TANC2: variants seen among roughly 807,000 people sequenced by gnomAD.
The protein encoded by TANC2 is protein TANC2.
In TANC2, 26 loss-of-function variants were observed where a neutral mutation model predicts 210.5. The observed-to-expected ratio is 0.12, with a 90% CI of 0.09 to 0.17. TANC2 has a LOEUF of 0.17. Among genes scored for constraint, TANC2 ranks in the 10% least tolerant of loss-of-function variants. The pLI is 1.00. For missense variants in TANC2, 2,129 were observed against 2,608.9 expected (o/e 0.82, Z 4.01); for synonymous variants, 931 against 967.1 (o/e 0.96, Z 0.69).
At chr17:63,144,327 C>T (rs1188654680) in intron 4 of TANC2, among the ~76,000 whole-genome samples, 1 of 152,082 alleles carries the variant, frequency 6.6e-6, no homozygotes, top group Non-Finnish European at 1.5e-5. Flanking sequence ...TAGTAGATAA[C>T]TAGTGGCCAC....
chr17:63,175,247 A>G (rs2040535815), intron 5 of TANC2, among the ~76,000 whole-genome samples: 1 of 152,202 alleles, frequency 6.6e-6, no homozygotes, highest in South Asian at 2.1e-4. Flanking sequence ...GGAGAAATGG[A>G]CATTGACCCT....
At chr17:63,053,104 A>G (rs2035640734) in intron 2 of TANC2, among the ~76,000 whole-genome samples, 1 of 152,182 alleles carries the variant, frequency 6.6e-6, no homozygotes, top group African/African-American at 2.4e-5. Context: ...AGTGTCAACA[A>G]CATCCTTGTT....
intron 14 of TANC2, among the ~76,000 whole-genome samples, chr17:63,368,729 T>TCC (rs2047179641): frequency 6.6e-6 from 1 of 152,166 alleles, no homozygotes; most frequent in Non-Finnish European, 1.5e-5. Context: ...GAAGTCCAAT[T>TCC]CCCATAAGTT....
At chr17:63,063,032 A>G (rs1272667441) in intron 2 of TANC2, among the ~76,000 whole-genome samples, 1 of 152,214 alleles carries the variant, frequency 6.6e-6, no homozygotes, top group Non-Finnish European at 1.5e-5. Context: ...GACAAGGAAA[A>G]AAATTGGAGG....
chr17:63,177,690 G>A (rs907043526), intron 5 of TANC2, among the ~76,000 whole-genome samples: 1 of 152,138 alleles, frequency 6.6e-6, no homozygotes, highest in Non-Finnish European at 1.5e-5. Context: ...GATGGCTCTA[G>A]CATTCAAGTT....
chr17:63,323,533 A>C (rs755166014), intron 11 of TANC2, among the ~76,000 whole-genome samples: 162 of 152,328 alleles, frequency 1.1e-3, no homozygotes, highest in Non-Finnish European at 1.7e-3. Context: ...TTTAACTCCA[A>C]CAGAGATTTC....
chr17:63,386,338 A>G lies in TANC2; in HGVS notation c.2692-2297A>G, dbSNP rs535333898. Among the ~76,000 whole-genome samples the G allele has an allele frequency of 2.0e-5, 3 of 152,334 alleles. No homozygotes were observed. In the East Asian group the frequency reaches 5.8e-4, roughly 29 times the overall value. ...GAACACTGTTGGGATATTTCATATT[A>G]TAGAATCCTTCTTAGTTTTAGGTAT... is the stretch of plus-strand genomic sequence containing the variant. On this transcript the variant is annotated intron_variant, in intron 15 of 27. Coordinates refer to ENST00000689528, the Ensembl canonical transcript of TANC2.
At chr17:63,263,040 T>C (rs2043416386) in intron 8 of TANC2, among the ~76,000 whole-genome samples, 1 of 152,230 alleles carries the variant, frequency 6.6e-6, no homozygotes. Context: ...ATAGAAATTA[T>C]ATCTACAATT....
chr17:63,421,330 C>G lies in TANC2; in HGVS notation c.5600C>G (p.Ser1867Cys). The change falls in exon 28 of 28, where the codon TCT becomes TGT. Residue 1867 changes from serine (S) to cysteine (C), a missense_variant. Transcript: ENST00000689528. This position sits in a 1 kb window ranked among gnomAD's most constrained non-coding sequence, Gnocchi z 6.9. ...TCCCAAAGTGTAGGCCTTCGCTTCT[C>G]TCCATCTAGCAATAGTATCTCCTCC... 6.2e-7 allele frequency: 1 copy of G among 1,614,054 alleles called. No homozygotes were observed. The highest frequency in any genetic ancestry group is 1.1e-5 in the South Asian group (1 of 91,086).
At chr17:63,117,439 C>CT (rs1195182731) in intron 4 of TANC2, among the ~76,000 whole-genome samples, 6 of 152,172 alleles carry the variant, frequency 3.9e-5, no homozygotes, top group Non-Finnish European at 8.8e-5. Context: ...TCTGTGTAAT[C>CT]TCTTGAAATC....
intron 9 of TANC2, among the ~76,000 whole-genome samples, chr17:63,276,594 A>G (rs773821662): frequency 1.2e-4 from 18 of 151,718 alleles, no homozygotes; most frequent in African/African-American, 1.9e-4. Context: ...ATGTTTTCCC[A>G]TAAGACCAAT....
At chr17:63,325,528 CTT>C (rs2045620971) in intron 11 of TANC2, among the ~76,000 whole-genome samples, 2 of 152,180 alleles carry the variant, frequency 1.3e-5, no homozygotes, top group Non-Finnish European at 2.9e-5. Context: ...TGTTTCCTCT[CTT>C]CTATCACACT....
chr17:63,290,781 T>C (rs921123339), intron 9 of TANC2, among the ~76,000 whole-genome samples: 5 of 152,134 alleles, frequency 3.3e-5, no homozygotes, highest in African/African-American at 9.7e-5. Flanking sequence ...ATGTTATAGA[T>C]GGAGTAGACC....
intron 5 of TANC2, among the ~76,000 whole-genome samples, chr17:63,172,582 A>G (rs1368272873): frequency 6.6e-6 from 1 of 152,182 alleles, no homozygotes; most frequent in Non-Finnish European, 1.5e-5. Context: ...AATTATGAAA[A>G]TCACCCATTT....
At chr17:63,202,746 T>A (rs1185183387) in intron 7 of TANC2, among the ~76,000 whole-genome samples, 1 of 152,098 alleles carries the variant, frequency 6.6e-6, no homozygotes, top group Non-Finnish European at 1.5e-5. Context: ...TGTACAAAGC[T>A]CCTCTCAGTT....
At chr17:63,255,773 T>C (rs2043175865) in intron 8 of TANC2, among the ~76,000 whole-genome samples, 1 of 152,074 alleles carries the variant, frequency 6.6e-6, no homozygotes, top group South Asian at 2.1e-4. Context: ...CATTGATCTT[T>C]TGTATTTTTT....
chr17:63,175,569 A>T (rs1461978345), intron 5 of TANC2, among the ~76,000 whole-genome samples: 1 of 150,264 alleles, frequency 6.7e-6, no homozygotes, highest in African/African-American at 2.4e-5. Flanking sequence ...TTAGACCTAA[A>T]TGTAAGAGCT....
intron 4 of TANC2, among the ~76,000 whole-genome samples, chr17:63,119,274 A>T (rs190787751): frequency 6.6e-6 from 1 of 152,322 alleles, no homozygotes; most frequent in Non-Finnish European, 1.5e-5. Flanking sequence ...TACGTCAGTG[A>T]TATGACTAGG....
intron 2 of TANC2, among the ~76,000 whole-genome samples, chr17:63,057,412 A>G (rs1235979424): frequency 6.6e-6 from 1 of 152,160 alleles, no homozygotes; most frequent in Non-Finnish European, 1.5e-5. Flanking sequence ...TTAGGACTTT[A>G]TAATTTTTTT....
Sources: gnomAD v4.1 joint callset for allele counts (sites outside exome capture counted in the v4.1 genomes callset) on GRCh38, gnomAD v4.1.1 for gene constraint, Gnocchi (gnomAD v3.1) non-coding constraint, MANE v1.5 for transcripts, NCBI Gene and HGNC (gene_info 2026-07-23, HGNC 2026-07-21) for gene names.